Variants in FBXL13 observed in about 807,000 individuals in gnomAD.
FBXL13 encodes F-box and leucine rich repeat protein 13, also known as F-box and leucine-rich repeat protein 13.
In FBXL13, 67 loss-of-function variants were observed where a neutral mutation model predicts 83.6. The observed-to-expected ratio is 0.80, with a 90% CI of 0.66 to 0.98. The LOEUF (loss-of-function observed/expected upper bound fraction) is 0.98. Among genes scored for constraint, FBXL13 ranks in the 50% least tolerant of loss-of-function variants. The probability of loss-of-function intolerance (pLI) is 0.00; values close to 1 mark genes in which losing one functional copy is unlikely to be tolerated. For missense variants in FBXL13, 822 were observed against 866.5 expected (o/e 0.95, Z 0.64); for synonymous variants, 272 against 299.5 (o/e 0.91, Z 0.95).
At chr7:102,863,340 T>C (rs1807127452) in intron 16 of FBXL13, among the ~76,000 whole-genome samples, 1 of 152,174 alleles carries the variant, frequency 6.6e-6, no homozygotes, top group South Asian at 2.1e-4. Flanking sequence ...TGAAATAAGA[T>C]GGAATGGGGC....
chr7:103,060,055 TATATATATAC>T (rs1563286628), intron 1 of FBXL13, among the ~76,000 whole-genome samples: 11 of 110,910 alleles, frequency 9.9e-5, no homozygotes, highest in South Asian at 2.8e-4. Context: ...TATATATATA[TATATATATAC>T]TTTTTTTTTT....
At chr7:103,033,601 G>A (rs1000680648) in intron 2 of FBXL13, among the ~76,000 whole-genome samples, 5 of 152,090 alleles carry the variant, frequency 3.3e-5, no homozygotes, top group Admixed American at 2.0e-4. Context: ...AAGGCAGCGC[G>A]TCTGGAGTTG....
intron 11 of FBXL13, among the ~76,000 whole-genome samples, chr7:102,905,750 A>T (rs1468491153): frequency 1.3e-5 from 2 of 151,930 alleles, no homozygotes; most frequent in Non-Finnish European, 2.9e-5. Flanking sequence ...GATATTATTT[A>T]ATTTCTTGCT....
intron 2 of FBXL13, among the ~76,000 whole-genome samples, chr7:103,054,622 G>A (rs373700871): frequency 6.6e-6 from 1 of 152,126 alleles, no homozygotes; most frequent in East Asian, 1.9e-4. Flanking sequence ...TAAGTTGGAT[G>A]TCAATAATAT....
chr7:103,018,307 A>C (rs982039535), intron 6 of FBXL13, among the ~76,000 whole-genome samples: 31 of 152,332 alleles, frequency 2.0e-4, no homozygotes, highest in Non-Finnish European at 4.3e-4. Flanking sequence ...CCTGCCTTAC[A>C]AGAGCTCCTG....
chr7:103,015,590 G>T (rs1236685997), intron 6 of FBXL13, among the ~76,000 whole-genome samples: 1 of 152,042 alleles, frequency 6.6e-6, no homozygotes, highest in African/African-American at 2.4e-5. Flanking sequence ...TTGAGACCAG[G>T]AGTTTGGACC....
At chr7:102,836,323 G>A (rs960492417) in intron 17 of FBXL13, among the ~76,000 whole-genome samples, 1 of 152,176 alleles carries the variant, frequency 6.6e-6, no homozygotes, top group African/African-American at 2.4e-5. Flanking sequence ...GCGAACTAAA[G>A]TCAGAACTTT....
At chr7:102,847,993 A>G (rs572029705) in intron 17 of FBXL13, among the ~76,000 whole-genome samples, 1 of 152,222 alleles carries the variant, frequency 6.6e-6, no homozygotes, top group African/African-American at 2.4e-5. Flanking sequence ...AGGTGTATAC[A>G]TATATTTAAT....
At chr7:102,813,467 G>T in exon 20 of FBXL13, 1 of 1,614,176 alleles carries the variant, frequency 6.2e-7, no homozygotes, top group Non-Finnish European at 8.5e-7. Context: ...CCAAACCAAC[G>T]TGGAGGGTCA....
At chr7:102,901,136 T>A (rs1200693580) in intron 11 of FBXL13, among the ~76,000 whole-genome samples, 1 of 152,192 alleles carries the variant, frequency 6.6e-6, no homozygotes, top group Non-Finnish European at 1.5e-5. Context: ...GAAATGCAGG[T>A]CCAATTCTGC....
chr7:102,972,752 T>C (rs953376943), intron 6 of FBXL13, among the ~76,000 whole-genome samples: 2 of 151,624 alleles, frequency 1.3e-5, no homozygotes, highest in Non-Finnish European at 2.9e-5. Flanking sequence ...TAATAAATAG[T>C]ATAAAATGAA....
intron 2 of FBXL13, among the ~76,000 whole-genome samples, chr7:103,033,674 G>A (rs1201441693): frequency 6.6e-6 from 1 of 152,114 alleles, no homozygotes; most frequent in African/African-American, 2.4e-5. Flanking sequence ...AGACCTTCAC[G>A]GTGAGTGTTA....
Position 102,902,085 on chromosome 7 carries a change from C to T in FBXL13, c.1008+11001G>A, listed in dbSNP as rs189337635. On this transcript the variant is annotated intron_variant, in intron 11 of 19. Coordinates refer to ENST00000313221, the Ensembl canonical transcript of FBXL13. The stretch of plus-strand genomic sequence containing the variant: ...TATGGTTCTCTTTTCTCCACATCCT[C>T]ACCAGCATTTGTTATTACTTAACTT... Among the ~76,000 whole-genome samples, 325 of 152,300 alleles carry T rather than the reference C, an allele frequency of 2.1e-3. 3 individuals are homozygous for T. Among genetic ancestry groups the T allele is most frequent in the South Asian group, 3.3e-3 (16 of 4,824 alleles).
chr7:102,831,509 C>A (rs920070685), intron 18 of FBXL13, among the ~76,000 whole-genome samples: 1 of 151,922 alleles, frequency 6.6e-6, no homozygotes. Context: ...AAATAAATCT[C>A]CAGGCTTCTG....
chr7:103,048,019 T>A (rs968811504), intron 2 of FBXL13, among the ~76,000 whole-genome samples: 16 of 152,192 alleles, frequency 1.1e-4, no homozygotes, highest in Middle Eastern at 6.3e-3. Context: ...GAACATACAT[T>A]AATATCATTC....
chr7:103,016,050 A>C (rs1311621695), intron 6 of FBXL13, among the ~76,000 whole-genome samples: 1 of 152,212 alleles, frequency 6.6e-6, no homozygotes, highest in Non-Finnish European at 1.5e-5. Flanking sequence ...GCTCATGGAT[A>C]GGAAGAATCA....
intron 8 of FBXL13, among the ~76,000 whole-genome samples, chr7:102,942,875 T>C (rs1175477891): frequency 2.0e-5 from 3 of 152,192 alleles, no homozygotes; most frequent in Non-Finnish European, 4.4e-5. Flanking sequence ...AATGAGATAA[T>C]GTTTGAAATA....
chr7:102,898,132 C>G (rs1184481453), intron 11 of FBXL13, among the ~76,000 whole-genome samples: 1 of 152,018 alleles, frequency 6.6e-6, no homozygotes, highest in Non-Finnish European at 1.5e-5. Context: ...TAAAGCCAAA[C>G]AAACACACCT....
exon 17 of FBXL13, chr7:102,854,790 T>C: frequency 1.3e-6 from 2 of 1,578,886 alleles, no homozygotes; most frequent in Middle Eastern, 1.7e-4. Flanking sequence ...AATTCCATCA[T>C]CAGTGATTCT....
Sources: allele counts gnomAD v4.1 joint callset (sites outside exome capture counted in the v4.1 genomes callset), GRCh38; gene constraint gnomAD v4.1.1; transcripts MANE v1.5; gene names NCBI Gene and HGNC (gene_info 2026-07-23, HGNC 2026-07-21).